DOCK4: variants seen among roughly 807,000 people sequenced by gnomAD.
The protein encoded by DOCK4 is dedicator of cytokinesis 4, also known as dedicator of cytokinesis protein 4.
A neutral mutation model predicts 268.1 loss-of-function variants in DOCK4; 97 were observed. That is an observed-to-expected ratio of 0.36 (90% confidence interval 0.31 to 0.43). The LOEUF is 0.43. Ranked by LOEUF, DOCK4 falls within the 20% of genes least tolerant of loss-of-function variation. The probability of loss-of-function intolerance (pLI) is 1.00; values close to 1 mark genes in which losing one functional copy is unlikely to be tolerated. For synonymous variants in DOCK4, 954 were observed against 887.2 expected (o/e 1.08, Z -1.34); for missense variants, 2,145 against 2,455.7 (o/e 0.87, Z 2.67).
chr7:111,809,376 G>C lies in DOCK4; in HGVS notation c.3032C>G (p.Ala1011Gly). ...ACACAACTGGTTTATAAAAATGACTGCGAGGTAAAAGTAGGAATCCCAGAT... is the reference window on the plus strand; with the variant it reads ...ACACAACTGGTTTATAAAAATGACTCCGAGGTAAAAGTAGGAATCCCAGAT... ...YKIWDSYFYLAVIFINQLCLQ... is the reference protein window; with the variant it reads ...YKIWDSYFYLGVIFINQLCLQ... The change falls in exon 29 of 53, where the codon GCA becomes GGA. Residue 1011 changes from alanine to glycine, a missense_variant. By Grantham distance (60) the Ala-to-Gly change is moderately conservative (BLOSUM62 0). Transcript: ENST00000428084. The C allele has an allele frequency of 6.4e-7, 1 of 1,564,416 alleles. No homozygotes were observed. Among genetic ancestry groups the C allele is most frequent in the Non-Finnish European group, 8.7e-7 (1 of 1,152,766 alleles).
At chr7:112,013,661 T>C (rs1158720951) in intron 1 of DOCK4, among the ~76,000 whole-genome samples, 1 of 152,200 alleles carries the variant, frequency 6.6e-6, no homozygotes, top group Non-Finnish European at 1.5e-5. Context: ...TCCTCCTCGG[T>C]CACACGTGTC....
chr7:112,170,884 G>A (rs899790009), intron 1 of DOCK4, among the ~76,000 whole-genome samples: 5 of 152,124 alleles, frequency 3.3e-5, no homozygotes, highest in African/African-American at 9.7e-5. Context: ...AAAAAAAATT[G>A]CACTTTTAGT....
intron 8 of DOCK4, among the ~76,000 whole-genome samples, chr7:111,946,837 C>G (rs543613221): frequency 5.3e-5 from 8 of 152,176 alleles, no homozygotes; most frequent in Non-Finnish European, 8.8e-5. Context: ...CTGCTTCGGC[C>G]TCCCGATATG....
chr7:111,744,047 G>A (rs1220182359), intron 44 of DOCK4, among the ~76,000 whole-genome samples: 2 of 152,132 alleles, frequency 1.3e-5, no homozygotes, highest in Non-Finnish European at 2.9e-5. Flanking sequence ...TTGAACTCCT[G>A]GTGTCAGATG....
intron 1 of DOCK4, among the ~76,000 whole-genome samples, chr7:112,062,037 G>A (rs889668558): frequency 1.3e-5 from 2 of 152,192 alleles, no homozygotes; most frequent in Non-Finnish European, 2.9e-5. Context: ...TTACAGAGAT[G>A]ACGATAACCC....
At chr7:112,037,731 G>A (rs1803942540) in intron 1 of DOCK4, among the ~76,000 whole-genome samples, 1 of 151,896 alleles carries the variant, frequency 6.6e-6, no homozygotes, top group Admixed American at 6.6e-5. Context: ...GCACTTTTTT[G>A]TGGACATAGG....
At chr7:111,894,238 A>C (rs1586290748) in intron 16 of DOCK4, among the ~76,000 whole-genome samples, 1 of 151,770 alleles carries the variant, frequency 6.6e-6, no homozygotes, top group South Asian at 2.1e-4. Context: ...AAAAAGAAAA[A>C]AGAAAAAAAG....
rs547951662 is a variant in DOCK4, at chr7:111,792,422, G to A, written c.3167-1817C>T. ...TATTGAGACAGAGTCTCACTCTGTC[G>A]CCCAGGCTGGAGTGCAATGGCACAA... On this transcript the variant is annotated intron_variant, in intron 30 of 52. Transcript: ENST00000428084. 1.3e-4 allele frequency among the ~76,000 whole-genome samples: 20 copies of A among 152,112 alleles called. No homozygotes were observed. In the South Asian group the frequency reaches 1.5e-3, roughly 11 times the overall value.
intron 1 of DOCK4, among the ~76,000 whole-genome samples, chr7:112,134,486 A>G (rs1814125995): frequency 6.6e-6 from 1 of 152,162 alleles, no homozygotes; most frequent in Admixed American, 6.5e-5. Flanking sequence ...TTGGGAGGCC[A>G]AGGCGGGCGG....
chr7:111,950,141 G>T (rs1795938602), intron 8 of DOCK4, among the ~76,000 whole-genome samples: 1 of 152,130 alleles, frequency 6.6e-6, no homozygotes, highest in African/African-American at 2.4e-5. Context: ...TGGCCAGGCT[G>T]GTCTCCAACT....
chr7:111,739,737 TTCCTTCA>T, intron 47 of DOCK4: 1 of 471,006 alleles, frequency 2.1e-6, no homozygotes, highest in South Asian at 2.2e-5. Flanking sequence ...TAGCAGTGCA[TTCCTTCA>T]TTGAGGTATA....
chr7:111,739,367 C>T (rs771545132), intron 48 of DOCK4, 29 bp downstream of exon 48: 1 of 1,594,488 alleles, frequency 6.3e-7, no homozygotes, highest in Non-Finnish European at 8.6e-7. Context: ...TCTGGGCACC[C>T]TCAGTCTTCC....
chr7:111,844,938 T>A, intron 24 of DOCK4, 41 bp from the exon 25 acceptor site: 4 of 1,575,366 alleles, frequency 2.5e-6, no homozygotes, highest in Non-Finnish European at 3.4e-6. Context: ...AACTGGGGTT[T>A]AACATGCATT....
chr7:111,935,540 C>T lies in DOCK4; in HGVS notation c.1066G>A (p.Gly356Ser), dbSNP rs1284610208. 1.2e-6 allele frequency: 2 copies of T among 1,613,620 alleles called. No homozygotes were observed. Among genetic ancestry groups the T allele is most frequent in the African/African-American group, 1.3e-5 (1 of 74,886 alleles). ...ARYNLTGSNAGLAVSLQLLHG... is the reference protein window; with the variant it reads ...ARYNLTGSNASLAVSLQLLHG... ...AAAGTCAGCCAGCCCATACACTCAC[C>T]TGCATTGGAGCCAGTCAAGTTATAA... is the stretch of plus-strand genomic sequence containing the variant. The change falls in exon 12 of 53, where the codon GGT becomes AGT. Residue 356 changes from glycine (G) to serine (S), a missense_variant and splice_region_variant. Transcript: ENST00000428084.
At position 112,033,278 on chromosome 7, in the gene DOCK4, T is replaced by C. The variant is rs992092768; in HGVS notation, c.38-29147A>G. ...CAAAAATAATCATTTTTATGGCCCA[T>C]TACCTACTGCTTGAGGCTTAAAGAA... is the stretch of plus-strand genomic sequence containing the variant. On this transcript the variant is annotated intron_variant, in intron 1 of 52. Coordinates refer to ENST00000428084, the MANE Select transcript of DOCK4 (RefSeq NM_001363540.2). Among the ~76,000 whole-genome samples, 9 of 152,256 alleles carry C rather than the reference T, an allele frequency of 5.9e-5. No individual in the cohort carries two copies. The South Asian group carries it at 1.9e-3, about 32-fold the overall frequency.
At chr7:111,749,552 T>C (rs1463718743) in intron 42 of DOCK4, among the ~76,000 whole-genome samples, 2 of 152,160 alleles carry the variant, frequency 1.3e-5, no homozygotes, top group African/African-American at 2.4e-5. Context: ...TCAAATGCTA[T>C]TAAAAATCAA....
intron 26 of DOCK4, among the ~76,000 whole-genome samples, chr7:111,827,931 G>T (rs1183048913): frequency 6.6e-6 from 1 of 152,158 alleles, no homozygotes; most frequent in Non-Finnish European, 1.5e-5. Context: ...AGACAATGCA[G>T]TTATAATCGT....
At chr7:112,141,231 C>G (rs576782550) in intron 1 of DOCK4, among the ~76,000 whole-genome samples, 1 of 152,292 alleles carries the variant, frequency 6.6e-6, no homozygotes, top group African/African-American at 2.4e-5. Flanking sequence ...CCGAATCCCA[C>G]AGCAATCCTC....
intron 35 of DOCK4, among the ~76,000 whole-genome samples, chr7:111,781,932 G>A (rs915012123): frequency 9.2e-5 from 14 of 152,208 alleles, no homozygotes; most frequent in African/African-American, 2.9e-4. Context: ...AATGATCAGA[G>A]TAAGGATAAG....
Sources: allele counts gnomAD v4.1 joint callset (sites outside exome capture counted in the v4.1 genomes callset), GRCh38; gene constraint gnomAD v4.1.1; transcripts MANE v1.5; gene names NCBI Gene and HGNC (gene_info 2026-07-23, HGNC 2026-07-21).